The following COL4A5 variants were observed in gnomAD, a reference collection of about 807,000 sequenced individuals.
COL4A5 encodes the protein collagen type IV alpha 5 chain.
A neutral mutation model predicts 130.2 loss-of-function variants in COL4A5; 26 were observed. The ratio of observed to expected loss-of-function variants is 0.20; its 90% CI spans 0.15 to 0.28. The LOEUF is 0.28. Among genes scored for constraint, COL4A5 ranks in the 10% least tolerant of loss-of-function variants. The probability of loss-of-function intolerance (pLI) is 1.00; values close to 1 mark genes in which losing one functional copy is unlikely to be tolerated. For missense variants in COL4A5, 1,131 were observed against 1,344.3 expected (o/e 0.84, Z 2.48); for synonymous variants, 496 against 439.6 (o/e 1.13, Z -1.60).
At chrX:108,478,355 A>G (rs767202261) in intron 1 of COL4A5, among the ~76,000 whole-genome samples, 1 of 111,186 alleles carries the variant, frequency 9.0e-6, no homozygotes, top group South Asian at 3.9e-4. Flanking sequence ...GTAGAACGTA[A>G]TGTTGTGGGA....
intron 4 of COL4A5, among the ~76,000 whole-genome samples, chrX:108,565,180 A>G (rs1402992987): frequency 9.0e-6 from 1 of 111,206 alleles, no homozygotes. Context: ...CTCAACTAGA[A>G]CTCCAAGAGT....
At position 108,689,492 on chromosome X, in the gene COL4A5, C is replaced by G. The variant is rs766546046; in HGVS notation, c.4528+1798C>G. 11 of 751,094 alleles carry G rather than the reference C, an allele frequency of 1.5e-5. No individual in the cohort carries two copies. The South Asian group carries it at 6.1e-4, about 42-fold the overall frequency. The allele number at this position is 751,094 out of a possible 1,213,427, so 61.9% of individuals were successfully genotyped here. A position where few individuals can be genotyped will look rare whatever the true frequency, so the allele number is the denominator to read the frequency against. ...ATGTATTTTCTCTAATAAGAACAAT[C>G]AGATTTGGAATCTATAAACTGGCCC... is the stretch of plus-strand genomic sequence containing the variant. On this transcript the variant is annotated intron_variant, in intron 49 of 52. Coordinates refer to ENST00000328300, the MANE Select transcript of COL4A5 (RefSeq NM_033380.3).
chrX:108,480,899 C>T (rs148204695), intron 1 of COL4A5, among the ~76,000 whole-genome samples: 105 of 112,196 alleles, frequency 9.4e-4, no homozygotes, highest in Admixed American at 8.1e-3. Context: ...TCCACGGATA[C>T]GATATTGTTG....
intron 1 of COL4A5, among the ~76,000 whole-genome samples, chrX:108,445,377 G>T (rs2064442577): frequency 8.9e-6 from 1 of 111,846 alleles, no homozygotes; most frequent in African/African-American, 3.2e-5. Flanking sequence ...CATTTATTCA[G>T]CAGATATTTA....
At position 108,539,736 on chromosome X, in the gene COL4A5, T is replaced by A. The variant is rs2065508488; in HGVS notation, c.82-10T>A. 4.1e-6 allele frequency: 5 copies of A among 1,205,189 alleles called. No homozygotes were observed. Among genetic ancestry groups the A allele is most frequent in the Non-Finnish European group, 5.6e-6 (5 of 889,793 alleles). ...TTTAATGATTTTTTCCCTCTTTCTC[T>A]TCCTTATAGGCTTGCTATGGGTGTT... On this transcript the variant is annotated splice_polypyrimidine_tract_variant and intron_variant, in intron 1 of 52. Coordinates refer to ENST00000328300, the MANE Select transcript of COL4A5 (RefSeq NM_033380.3).
chrX:108,563,371 G>GT (rs2065924115), intron 3 of COL4A5, among the ~76,000 whole-genome samples: 1 of 111,168 alleles, frequency 9.0e-6, no homozygotes, highest in Non-Finnish European at 1.9e-5. Context: ...AAAGTTTATG[G>GT]TTCTTTTTAA....
rs185042985 is a variant in COL4A5 at position 108,632,075 on chromosome X, C to T, written c.3246+5726C>T. Among the ~76,000 whole-genome samples, 115 of 110,497 alleles carry T rather than the reference C, an allele frequency of 1.0e-3. 1 individual carries two copies. The highest frequency in any genetic ancestry group is 4.7e-3 in the Admixed American group (49 of 10,385). ...GAAAACATCAACAACATTGATAGAC[C>T]GCTAGCAAGACTAGTAAAGAAGAAA... On this transcript the variant is annotated intron_variant, in intron 36 of 52. Transcript: ENST00000328300.
intron 34 of COL4A5, 78 bp downstream of exon 34, chrX:108,624,412 T>C: frequency 1.2e-6 from 1 of 810,051 alleles, no homozygotes; most frequent in Non-Finnish European, 1.8e-6. Flanking sequence ...TTTGTCATGT[T>C]TGAAGATGCT....
In COL4A5 at chrX:108,646,813, C is replaced by T. The variant is rs1433040684; in HGVS notation, c.3247-8518C>T. Among the ~76,000 whole-genome samples the T allele has an allele frequency of 2.7e-5, 3 of 111,376 alleles. No individual in the cohort carries two copies. In the East Asian group the frequency reaches 8.5e-4, roughly 31 times the overall value. ...TTTCTACATATGGCTAGCCAGTTTT[C>T]CCAGCACCATTTATTAAATAGGGAA... On this transcript the variant is annotated intron_variant, in intron 36 of 52. Transcript: ENST00000328300.
At chrX:108,674,639 T>C in intron 42 of COL4A5, 106 bp from the exon 43 acceptor site, 1 of 771,510 alleles carries the variant, frequency 1.3e-6, no homozygotes, top group East Asian at 3.2e-5. Context: ...TTTTAACTTG[T>C]ACTATAATGT....
intron 36 of COL4A5, among the ~76,000 whole-genome samples, chrX:108,653,460 G>A (rs2067772679): frequency 9.0e-6 from 1 of 111,178 alleles, no homozygotes; most frequent in Middle Eastern, 4.6e-3. Context: ...GGGGAAAGGA[G>A]TAGTTCAGGT....
chrX:108,605,479 A>C (rs763194524), intron 28 of COL4A5, among the ~76,000 whole-genome samples: 14 of 111,933 alleles, frequency 1.3e-4, no homozygotes, highest in Non-Finnish European at 2.6e-4. Flanking sequence ...ATTATGTGGT[A>C]ACATCAGTGA....
intron 1 of COL4A5, among the ~76,000 whole-genome samples, chrX:108,486,525 A>G (rs939663356): frequency 7.2e-5 from 8 of 111,535 alleles, no homozygotes; most frequent in African/African-American, 2.0e-4. Context: ...TCACCCGAGC[A>G]GTGTACACTG....
At chrX:108,555,933 A>G (rs1230142482) in intron 2 of COL4A5, among the ~76,000 whole-genome samples, 1 of 112,351 alleles carries the variant, frequency 8.9e-6, no homozygotes, top group Non-Finnish European at 1.9e-5. Flanking sequence ...ATTTTATTTA[A>G]TCCATTAAGG....
chrX:108,542,323 G>C (rs1446301952), intron 2 of COL4A5, among the ~76,000 whole-genome samples: 2 of 94,008 alleles, frequency 2.1e-5, no homozygotes, highest in African/African-American at 8.2e-5. Flanking sequence ...TGTTCTCATT[G>C]TTCAATTCCC....
chrX:108,682,511 A>T (rs995055671), intron 47 of COL4A5, among the ~76,000 whole-genome samples: 2 of 112,138 alleles, frequency 1.8e-5, no homozygotes, highest in Non-Finnish European at 3.8e-5. Context: ...TCCCACAAAC[A>T]GTGGAAAAGC....
At chrX:108,485,398 G>C (rs2064934709) in intron 1 of COL4A5, among the ~76,000 whole-genome samples, 1 of 111,506 alleles carries the variant, frequency 9.0e-6, no homozygotes, top group Non-Finnish European at 1.9e-5. Context: ...ACCACAGCTG[G>C]GAATATATTG....
intron 1 of COL4A5, among the ~76,000 whole-genome samples, chrX:108,449,414 C>T (rs765075619): frequency 1.8e-5 from 2 of 111,916 alleles, no homozygotes; most frequent in Non-Finnish European, 3.8e-5. Context: ...AAGTTGTTGA[C>T]TGTTCATAGG....
At chrX:108,636,109 C>T (rs2067348744) in intron 36 of COL4A5, among the ~76,000 whole-genome samples, 1 of 111,245 alleles carries the variant, frequency 9.0e-6, no homozygotes. Flanking sequence ...ATACATAACC[C>T]CTGGATCTAA....
Sources: allele counts gnomAD v4.1 joint callset (sites outside exome capture counted in the v4.1 genomes callset), GRCh38; gene constraint gnomAD v4.1.1; transcripts MANE v1.5; gene names NCBI Gene and HGNC (gene_info 2026-07-23, HGNC 2026-07-21).